TTC36: variants seen among roughly 807,000 people sequenced by gnomAD.
TTC36 encodes tetratricopeptide repeat protein 36.
TTC36 carries 15 observed loss-of-function variants against 17.5 expected under a neutral mutation model. The ratio of observed to expected loss-of-function variants is 0.86; its 90% CI spans 0.57 to 1.32. The LOEUF (loss-of-function observed/expected upper bound fraction) is 1.32, where lower values mean the gene tolerates loss of function less well. Ranked by LOEUF, TTC36 falls within the 40% of genes most tolerant of loss-of-function variation. The pLI is 0.00. For synonymous variants in TTC36, 112 were observed against 109.8 expected, an observed-to-expected ratio of 1.02 and a Z score of -0.13; for missense variants, 292 against 260.9, an observed-to-expected ratio of 1.12 and a Z score of -0.82.
At chr11:118,527,931 C>T (rs1555056176) in intron 1 of TTC36, 1 of 480,746 alleles carries the variant, frequency 2.1e-6, no homozygotes, top group Non-Finnish European at 4.1e-6. Flanking sequence ...GAGAATACCA[C>T]CACCAGAACA....
chr11:118,528,971 G>A lies in TTC36; in HGVS notation c.307+180G>A, dbSNP rs566950610. Among the ~76,000 whole-genome samples the A allele has an allele frequency of 2.6e-5, 4 of 152,342 alleles. No homozygotes were observed. In the South Asian group the frequency reaches 6.2e-4, roughly 24 times the overall value. ...TATCATGGGGTTAATGTGAAATTCA[G>A]AAGAGACTGCATTCCATTGATTAAG... On this transcript the variant is annotated intron_variant, in intron 2 of 2. Transcript: ENST00000302783.
Position 118,530,697 on chromosome 11 carries a change from C to T in TTC36, c.351C>T (p.Gly117=). Residue 117 remains glycine, a synonymous_variant, in exon 3 of 3, where the codon GGC becomes GGT. Coordinates refer to ENST00000302783, the MANE Select transcript of TTC36 (RefSeq NM_001080441.4). The surrounding 1 kb of genome is among the most constrained non-coding windows in gnomAD (Gnocchi z 5.8). ...DLERAVELSG[G]RGRAARQSFV... ...AACGCGCGGTGGAGCTGAGCGGCGG[C>T]CGGGGCCGCGCCGCCCGCCAGAGCT... 1 of 1,477,192 alleles carries T rather than the reference C, an allele frequency of 6.8e-7. No homozygotes were observed. The highest frequency in any genetic ancestry group is 1.3e-5 in the South Asian group (1 of 77,930). The allele number at this position is 1,477,192 out of a possible 1,614,324, so 91.5% of individuals were successfully genotyped here. A position where few individuals can be genotyped will look rare whatever the true frequency, so the allele number is the denominator to read the frequency against.
intron 2 of TTC36, 74 bp downstream of exon 2, chr11:118,528,865 C>T (rs569231954): frequency 1.6e-5 from 22 of 1,410,734 alleles, no homozygotes; most frequent in South Asian, 4.8e-5. Flanking sequence ...AGTGGCTGTG[C>T]GGCTGGGGTG....
At position 118,530,959 on chromosome 11, in the gene TTC36, G is replaced by T; in HGVS notation, c.*43G>T. 6.9e-7 allele frequency: 1 copy of T among 1,453,910 alleles called. No homozygotes were observed. Among genetic ancestry groups the T allele is most frequent in the South Asian group, 1.4e-5 (1 of 73,160 alleles). The allele number at this position is 1,453,910 out of a possible 1,614,324, so 90.1% of individuals were successfully genotyped here. A position where few individuals can be genotyped will look rare whatever the true frequency, so the allele number is the denominator to read the frequency against. On this transcript the variant is annotated 3_prime_UTR_variant, in exon 3 of 3. Coordinates refer to ENST00000302783, the MANE Select transcript of TTC36 (RefSeq NM_001080441.4). This position sits in a 1 kb window ranked among gnomAD's most constrained non-coding sequence, Gnocchi z 5.8. ...GTCCGCGGGCGAGGGGACGGGACTG[G>T]GCCCTGAACCAATAAAGCCGTCGGG... is the stretch of plus-strand genomic sequence containing the variant.
chr11:118,530,452 A>T lies in TTC36; in HGVS notation c.308-202A>T. ...CTGCCACTAAGTGGCTTGGCTGTAG[A>T]GCTTAACTCTTCCACAGTCTTCATC... On this transcript the variant is annotated intron_variant, in intron 2 of 2. Transcript: ENST00000302783. This position sits in a 1 kb window ranked among gnomAD's most constrained non-coding sequence, Gnocchi z 5.8. 1.8e-6 allele frequency: 1 copy of T among 553,868 alleles called. No homozygotes were observed. Among genetic ancestry groups the T allele is most frequent in the Non-Finnish European group, 2.8e-6 (1 of 352,262 alleles). 34.3% of individuals were successfully genotyped at this position (553,868 alleles called of 1,614,324 possible).
rs1555057566 is a variant in TTC36 at position 118,530,906 on chromosome 11, A to T, written c.560A>T (p.Asp187Val). The change falls in exon 3 of 3, where the codon GAC (aspartate) becomes GTC (valine). Residue 187 changes from aspartate to valine, a missense_variant. Asp to Val is a radical substitution (Grantham distance 152). Transcript: ENST00000302783. This position sits in a 1 kb window ranked among gnomAD's most constrained non-coding sequence, Gnocchi z 5.8. Reference protein sequence around the residue: ...DMMGQLRRPRDSR With the variant: ...DMMGQLRRPRVSR ...ATGGGGCAGCTGCGCCGCCCCCGTGACAGCCGCTGAGCGCCGCGGACCCGG... is the reference window on the plus strand; with the variant it reads ...ATGGGGCAGCTGCGCCGCCCCCGTGTCAGCCGCTGAGCGCCGCGGACCCGG... 1 of 1,502,038 alleles carries T rather than the reference A, an allele frequency of 6.7e-7. No homozygotes were observed. Among genetic ancestry groups the T allele is most frequent in the Non-Finnish European group, 8.8e-7 (1 of 1,133,064 alleles). The allele number at this position is 1,502,038 out of a possible 1,614,324, so 93.0% of individuals were successfully genotyped here. A position where few individuals can be genotyped will look rare whatever the true frequency, so the allele number is the denominator to read the frequency against.
chr11:118,530,694 C>T lies in TTC36; in HGVS notation c.348C>T (p.Gly116=), dbSNP rs1342380909. ...EDLERAVELS[G]GRGRAARQSF... is the part of the protein sequence containing the mutation. The stretch of plus-strand genomic sequence containing the variant: ...TGGAACGCGCGGTGGAGCTGAGCGG[C>T]GGCCGGGGCCGCGCCGCCCGCCAGA... The change falls in exon 3 of 3, where the codon GGC becomes GGT. Residue 116 remains glycine, a synonymous_variant. Transcript: ENST00000302783. The surrounding 1 kb of genome is among the most constrained non-coding windows in gnomAD (Gnocchi z 5.8). 4.1e-6 allele frequency: 6 copies of T among 1,476,530 alleles called. No individual in the cohort carries two copies. Among genetic ancestry groups the T allele is most frequent in the Non-Finnish European group, 5.3e-6 (6 of 1,122,726 alleles). The allele number at this position is 1,476,530 out of a possible 1,614,324, so 91.5% of individuals were successfully genotyped here.
At position 118,530,649 on chromosome 11, in the gene TTC36, C is replaced by A; in HGVS notation, c.308-5C>A. 6.9e-7 allele frequency: 1 copy of A among 1,445,290 alleles called. No individual in the cohort carries two copies. The highest frequency in any genetic ancestry group is 1.4e-5 in the South Asian group (1 of 72,668). 89.5% of individuals were successfully genotyped at this position (1,445,290 alleles called of 1,614,324 possible). ...CCCGCCCCGCCCGTCTCGTCGGTCC[C>A]GCAGGCGCCCTGGAGGATCTGGAAC... On this transcript the variant is annotated splice_polypyrimidine_tract_variant and splice_region_variant and intron_variant, in intron 2 of 2. Coordinates refer to ENST00000302783, the MANE Select transcript of TTC36 (RefSeq NM_001080441.4). This position sits in a 1 kb window ranked among gnomAD's most constrained non-coding sequence, Gnocchi z 5.8.
intron 2 of TTC36, 122 bp downstream of exon 2, chr11:118,528,913 A>G (rs574524688): frequency 9.5e-6 from 8 of 845,772 alleles, no homozygotes; most frequent in East Asian, 2.9e-5. Flanking sequence ...CTTCTTACCT[A>G]TAAGGTAGGA....
chr11:118,528,659 G>T lies in TTC36; in HGVS notation c.175G>T (p.Val59Leu). The T allele has an allele frequency of 6.2e-7, 1 of 1,611,250 alleles. No individual in the cohort carries two copies. Among genetic ancestry groups the T allele is most frequent in the Non-Finnish European group, 8.5e-7 (1 of 1,178,418 alleles). Residue 59 changes from valine (V) to leucine (L), a missense_variant, in exon 2 of 3, where the codon GTG becomes TTG. Transcript: ENST00000302783. The stretch of plus-strand genomic sequence containing the variant: ...GTCCAAGGCCCTGGAGCTGCAGGGG[G>T]TGATGGCAGCAGAGGCTGGGGACCT... ...EQSKALELQG[V>L]MAAEAGDLST...
At chr11:118,529,942 C>T (rs782754100) in intron 2 of TTC36, among the ~76,000 whole-genome samples, 14 of 152,194 alleles carry the variant, frequency 9.2e-5, no homozygotes, top group Non-Finnish European at 1.8e-4. Flanking sequence ...TGGCTGGCTG[C>T]CTGAAGTTCT....
rs1951200568 is a variant in TTC36, at chr11:118,530,659, CT to C, written c.314del (p.Leu105ArgfsTer10). 6.8e-7 allele frequency: 1 copy of C among 1,464,578 alleles called. No homozygotes were observed. Among genetic ancestry groups the C allele is most frequent in the South Asian group, 1.3e-5 (1 of 76,202 alleles). The allele number at this position is 1,464,578 out of a possible 1,614,324, so 90.7% of individuals were successfully genotyped here. A position where few individuals can be genotyped will look rare whatever the true frequency, so the allele number is the denominator to read the frequency against. ...RRLQGDVAGA[L>X]EDLERAVELS... is the part of the protein sequence containing the mutation. ...CCGTCTCGTCGGTCCCGCAGGCGCC[CT>C]GGAGGATCTGGAACGCGCGGTGGAG... On this transcript the variant is annotated frameshift_variant, in exon 3 of 3. Coordinates refer to ENST00000302783, the MANE Select transcript of TTC36 (RefSeq NM_001080441.4). LOFTEE classifies it high-confidence loss of function. The surrounding 1 kb of genome is among the most constrained non-coding windows in gnomAD (Gnocchi z 5.8).
At chr11:118,528,944 A>C (rs1272484932) in intron 2 of TTC36, among the ~76,000 whole-genome samples, 153 bp downstream of exon 2, 2 of 152,206 alleles carry the variant, frequency 1.3e-5, no homozygotes, top group African/African-American at 4.8e-5. Flanking sequence ...GGGACCTGCT[A>C]ATATCATGGG....
In TTC36 at chr11:118,530,665, G is replaced by C. The variant is rs1555057285; in HGVS notation, c.319G>C (p.Asp107His). 2 of 1,470,364 alleles carry C rather than the reference G, an allele frequency of 1.4e-6. No homozygotes were observed. Among genetic ancestry groups the C allele is most frequent in the Non-Finnish European group, 1.8e-6 (2 of 1,119,890 alleles). 91.1% of individuals were successfully genotyped at this position (1,470,364 alleles called of 1,614,324 possible). A position where few individuals can be genotyped will look rare whatever the true frequency, so the allele number is the denominator to read the frequency against. Residue 107 changes from aspartate to histidine, a missense_variant, in exon 3 of 3, where the codon GAT becomes CAT. Physicochemically the swap from Asp to His is moderately conservative, Grantham distance 81. Coordinates refer to ENST00000302783, the MANE Select transcript of TTC36 (RefSeq NM_001080441.4). This position sits in a 1 kb window ranked among gnomAD's most constrained non-coding sequence, Gnocchi z 5.8. ...CGTCGGTCCCGCAGGCGCCCTGGAG[G>C]ATCTGGAACGCGCGGTGGAGCTGAG... ...LQGDVAGALE[D>H]LERAVELSGG...
In TTC36 at chr11:118,528,703, G is replaced by T; in HGVS notation, c.219G>T (p.Arg73Ser). ...GGGACCTCAGCACAGCCCTGGAGAG[G>T]TTTGGCCAAGCCATCTGCCTGCTGC... The part of the protein sequence containing the change: ...EAGDLSTALE[R>S]FGQAICLLPE... The change falls in exon 2 of 3, where the codon AGG becomes AGT. Residue 73 changes from arginine to serine, a missense_variant. Transcript: ENST00000302783. 1.2e-6 allele frequency: 2 copies of T among 1,613,594 alleles called. No individual in the cohort carries two copies. Among genetic ancestry groups the T allele is most frequent in the Non-Finnish European group, 1.7e-6 (2 of 1,179,834 alleles).
chr11:118,530,742 G>C lies in TTC36; in HGVS notation c.396G>C (p.Leu132=). 1 of 1,501,182 alleles carries C rather than the reference G, an allele frequency of 6.7e-7. No homozygotes were observed. Among genetic ancestry groups the C allele is most frequent in the Non-Finnish European group, 8.8e-7 (1 of 1,134,124 alleles). The allele number at this position is 1,501,182 out of a possible 1,614,324, so 93.0% of individuals were successfully genotyped here. A position where few individuals can be genotyped will look rare whatever the true frequency, so the allele number is the denominator to read the frequency against. The change falls in exon 3 of 3, where the codon CTG becomes CTC. Residue 132 remains leucine (L), a synonymous_variant. Coordinates refer to ENST00000302783, the MANE Select transcript of TTC36 (RefSeq NM_001080441.4). This position sits in a 1 kb window ranked among gnomAD's most constrained non-coding sequence, Gnocchi z 5.8. ...AGAGCTTTGTGCAGCGCGGACTCCTGGCGCGGCTGCAGGGCCGAGACGACG... is the reference window on the plus strand; with the variant it reads ...AGAGCTTTGTGCAGCGCGGACTCCTCGCGCGGCTGCAGGGCCGAGACGACG... ...ARQSFVQRGL[L]ARLQGRDDDA... is the part of the protein sequence containing the mutation.
intron 1 of TTC36, 106 bp from the exon 2 acceptor site, chr11:118,528,497 C>A: frequency 8.3e-7 from 1 of 1,204,558 alleles, no homozygotes; most frequent in Non-Finnish European, 1.2e-6. Flanking sequence ...GTGACCCATA[C>A]CCAGTCAGCT....
chr11:118,530,964 T>C lies in TTC36; in HGVS notation c.*48T>C. ...CGGGCGAGGGGACGGGACTGGGCCC[T>C]GAACCAATAAAGCCGTCGGGCCTCA... On this transcript the variant is annotated 3_prime_UTR_variant, in exon 3 of 3. Coordinates refer to ENST00000302783, the MANE Select transcript of TTC36 (RefSeq NM_001080441.4). The surrounding 1 kb of genome is among the most constrained non-coding windows in gnomAD (Gnocchi z 5.8). 1 of 1,451,022 alleles carries C rather than the reference T, an allele frequency of 6.9e-7. No homozygotes were observed. Among genetic ancestry groups the C allele is most frequent in the South Asian group, 1.4e-5 (1 of 72,512 alleles). 89.9% of individuals were successfully genotyped at this position (1,451,022 alleles called of 1,614,324 possible).
At position 118,530,653 on chromosome 11, in the gene TTC36, G is replaced by A; in HGVS notation, c.308-1G>A. The A allele has an allele frequency of 6.9e-7, 1 of 1,449,206 alleles. No homozygotes were observed. 89.8% of individuals were successfully genotyped at this position (1,449,206 alleles called of 1,614,324 possible). ...CCCCGCCCGTCTCGTCGGTCCCGCA[G>A]GCGCCCTGGAGGATCTGGAACGCGC... On this transcript the variant is annotated splice_acceptor_variant, in intron 2 of 2. Coordinates refer to ENST00000302783, the MANE Select transcript of TTC36 (RefSeq NM_001080441.4). LOFTEE classifies it high-confidence loss of function. This position sits in a 1 kb window ranked among gnomAD's most constrained non-coding sequence, Gnocchi z 5.8.
Sources: gnomAD v4.1 joint callset for allele counts (sites outside exome capture counted in the v4.1 genomes callset) on GRCh38, gnomAD v4.1.1 for gene constraint, Gnocchi (gnomAD v3.1) non-coding constraint, MANE v1.5 for transcripts, NCBI Gene and HGNC (gene_info 2026-07-23, HGNC 2026-07-21) for gene names.